The following OTUD3 variants were observed in gnomAD, a reference collection of about 807,000 sequenced individuals.
The protein encoded by OTUD3 is OTU domain-containing protein 3.
A neutral mutation model predicts 46.2 loss-of-function variants in OTUD3; 24 were observed. The ratio of observed to expected loss-of-function variants is 0.52; its 90% CI spans 0.38 to 0.73. The LOEUF is 0.73. OTUD3 is among the 30% of genes least tolerant of loss of function. The pLI, the probability that OTUD3 is intolerant of heterozygous loss-of-function variation, is 0.00. For missense variants in OTUD3, 455 were observed against 523.3 expected, an observed-to-expected ratio of 0.87 and a Z score of 1.27; for synonymous variants, 189 against 195.4, an observed-to-expected ratio of 0.97 and a Z score of 0.27.
chr1:19,883,293 A>C (rs1571153627), intron 1 of OTUD3, among the ~76,000 whole-genome samples: 1 of 152,272 alleles, frequency 6.6e-6, no homozygotes, highest in East Asian at 1.9e-4. Flanking sequence ...CTGTAAGCAA[A>C]GGTGCTTCCC....
rs768943957 is a variant in OTUD3, at chr1:19,904,986, T to C, written c.834T>C (p.Asn278=). Residue 278 remains asparagine (N), a splice_region_variant and synonymous_variant, in exon 6 of 8, where the codon AAT becomes AAC. Coordinates refer to ENST00000375120, the MANE Select transcript of OTUD3 (RefSeq NM_015207.2). The part of the protein sequence containing the change: ...AVLRMNQGKR[N]NAEENLEPSG... ...TTCGGATGAACCAAGGGAAGAGAAA[T>C]AGTAAGTCCATGACTAATATTTATA... 3 of 1,463,456 alleles carry C rather than the reference T, an allele frequency of 2.0e-6. No individual in the cohort carries two copies. Among genetic ancestry groups the C allele is most frequent in the East Asian group, 2.3e-5 (1 of 44,212 alleles). 90.7% of individuals were successfully genotyped at this position (1,463,456 alleles called of 1,614,324 possible).
At chr1:19,895,858 C>A (rs577700995) in intron 3 of OTUD3, among the ~76,000 whole-genome samples, 1 of 152,292 alleles carries the variant, frequency 6.6e-6, no homozygotes, top group South Asian at 2.1e-4. Context: ...ATGACCCTCA[C>A]CTTGAAGGGG....
intron 1 of OTUD3, among the ~76,000 whole-genome samples, chr1:19,884,054 A>G (rs2045320399): frequency 6.6e-6 from 1 of 152,262 alleles, no homozygotes. Context: ...GAAGGCAGTC[A>G]GTACGTTTTT....
rs914864683 is a variant in OTUD3, at chr1:19,912,678, C to A, written c.*4932C>A. On this transcript the variant is annotated 3_prime_UTR_variant, in exon 8 of 8. Transcript: ENST00000375120. Reference sequence around the variant, plus strand: ...AGCAAGTCTTGCCTTATCTATGGAGCTCGATGGTGAGAATTGTGACCATTG... The same window carrying A: ...AGCAAGTCTTGCCTTATCTATGGAGATCGATGGTGAGAATTGTGACCATTG... The A allele has an allele frequency of 1.3e-5, 2 of 152,334 alleles. No individual in the cohort carries two copies. The highest frequency in any genetic ancestry group is 4.8e-5 in the African/African-American group (2 of 41,444). 9.4% of individuals were successfully genotyped at this position (152,334 alleles called of 1,614,324 possible). A position where few individuals can be genotyped will look rare whatever the true frequency, so the allele number is the denominator to read the frequency against.
At chr1:19,898,482 A>C (rs917667287) in intron 4 of OTUD3, among the ~76,000 whole-genome samples, 16 of 151,826 alleles carry the variant, frequency 1.1e-4, no homozygotes, top group African/African-American at 3.9e-4. Flanking sequence ...TAATCCCAGC[A>C]CTTTGGGAGG....
chr1:19,892,568 C>G (rs969621133), intron 2 of OTUD3, among the ~76,000 whole-genome samples: 2 of 152,156 alleles, frequency 1.3e-5, no homozygotes, highest in Non-Finnish European at 2.9e-5. Flanking sequence ...TCAGCAACAT[C>G]TTTCCCCCAA....
Position 19,894,492 on chromosome 1 carries a change from A to G in OTUD3, c.483+12A>G, listed in dbSNP as rs571921740. ...CCCCTTTGTGGCAGGTAGGTCACCT[A>G]TTTAAACATTTATCTTAAGCTCTTA... On this transcript the variant is annotated intron_variant, in intron 3 of 7. Coordinates refer to ENST00000375120, the MANE Select transcript of OTUD3 (RefSeq NM_015207.2). 2 of 1,414,702 alleles carry G rather than the reference A, an allele frequency of 1.4e-6. No individual in the cohort carries two copies. The highest frequency in any genetic ancestry group is 2.3e-5 in the East Asian group (1 of 43,624). 87.6% of individuals were successfully genotyped at this position (1,414,702 alleles called of 1,614,324 possible).
chr1:19,897,505 A>G (rs1395275918), intron 3 of OTUD3, 35 bp from the exon 4 acceptor site: 1 of 1,611,598 alleles, frequency 6.2e-7, no homozygotes, highest in Admixed American at 1.7e-5. Context: ...TAGTGTTCAG[A>G]TCCTCACTGG....
intron 1 of OTUD3, among the ~76,000 whole-genome samples, chr1:19,884,907 A>G (rs2045335136): frequency 6.6e-6 from 1 of 152,172 alleles, no homozygotes; most frequent in African/African-American, 2.4e-5. Context: ...GGTACTATTG[A>G]GAAGGAAAAG....
intron 6 of OTUD3, among the ~76,000 whole-genome samples, chr1:19,905,318 C>T (rs1280548002): frequency 6.6e-6 from 1 of 151,276 alleles, no homozygotes; most frequent in Non-Finnish European, 1.5e-5. Flanking sequence ...AAAATGATAA[C>T]CAAAATAAAA....
intron 6 of OTUD3, 100 bp from the exon 7 acceptor site, chr1:19,906,332 A>T: frequency 9.9e-7 from 1 of 1,012,246 alleles, no homozygotes; most frequent in Non-Finnish European, 1.4e-6. Flanking sequence ...TTCCCTTATG[A>T]CTGAAGTAGG....
intron 6 of OTUD3, among the ~76,000 whole-genome samples, chr1:19,905,319 CA>C (rs1348787145): frequency 6.6e-6 from 1 of 151,520 alleles, no homozygotes; most frequent in African/African-American, 2.4e-5. Flanking sequence ...AAATGATAAC[CA>C]AAATAAAATG....
At chr1:19,895,096 G>C (rs1423322189) in intron 3 of OTUD3, among the ~76,000 whole-genome samples, 6 of 152,078 alleles carry the variant, frequency 3.9e-5, no homozygotes, top group African/African-American at 1.4e-4. Flanking sequence ...AACTGGAAAG[G>C]AACATATCAC....
intron 3 of OTUD3, among the ~76,000 whole-genome samples, chr1:19,895,931 A>C (rs1488766513): frequency 6.6e-6 from 1 of 152,124 alleles, no homozygotes; most frequent in Non-Finnish European, 1.5e-5. Flanking sequence ...TTTTTCCCAA[A>C]GTTTCTTAGT....
chr1:19,906,493 G>A lies in OTUD3; in HGVS notation c.897G>A (p.Glu299=), dbSNP rs1167088899. 2 of 1,614,096 alleles carry A rather than the reference G, an allele frequency of 1.2e-6. No individual in the cohort carries two copies. The highest frequency in any genetic ancestry group is 8.5e-7 in the Non-Finnish European group (1 of 1,179,992). The change falls in exon 7 of 8, where the codon GAG becomes GAA. Residue 299 remains glutamate, a synonymous_variant. Transcript: ENST00000375120. The stretch of plus-strand genomic sequence containing the variant: ...TGAAGCAGTGTGGCCCTTTGTGGGA[G>A]GAGGGTGGCAGTGGTGCCAGAATCT... The part of the protein sequence containing the change: ...RVLKQCGPLW[E]EGGSGARIFG...
rs1240891062 is a variant in OTUD3 at position 19,911,236 on chromosome 1, A to T, written c.*3490A>T. ...CTGTCTAGCCATGTTAAATCTTTAG[A>T]CTCAGTCTGATGCCGTTTTTCTGTT... On this transcript the variant is annotated 3_prime_UTR_variant, in exon 8 of 8. Transcript: ENST00000375120. 1 of 152,158 alleles carries T rather than the reference A, an allele frequency of 6.6e-6. No individual in the cohort carries two copies. The highest frequency in any genetic ancestry group is 6.6e-5 in the Admixed American group (1 of 15,264). 9.4% of individuals were successfully genotyped at this position (152,158 alleles called of 1,614,324 possible).
chr1:19,889,530 G>A (rs2045419308), intron 1 of OTUD3, among the ~76,000 whole-genome samples: 1 of 152,084 alleles, frequency 6.6e-6, no homozygotes, highest in Admixed American at 6.5e-5. Context: ...CTTCAGAATT[G>A]TTTATTTCTG....
intron 3 of OTUD3, among the ~76,000 whole-genome samples, chr1:19,895,417 TCTTTGTA>T (rs1363113977): frequency 6.6e-6 from 1 of 152,180 alleles, no homozygotes; most frequent in Admixed American, 6.5e-5. Flanking sequence ...ACTTCCAGGC[TCTTTGTA>T]CTTTGTAATC....
intron 5 of OTUD3, 43 bp from the exon 6 acceptor site, chr1:19,904,846 CCA>C: frequency 1.1e-6 from 1 of 917,494 alleles, no homozygotes; most frequent in Non-Finnish European, 1.8e-6. Flanking sequence ...AAAAATATAC[CCA>C]GAGTTTTGAA....
Sources: gnomAD v4.1 joint callset for allele counts (sites outside exome capture counted in the v4.1 genomes callset) on GRCh38, gnomAD v4.1.1 for gene constraint, MANE v1.5 for transcripts, NCBI Gene and HGNC (gene_info 2026-07-23, HGNC 2026-07-21) for gene names.